Variants in ROBO2 observed in about 807,000 individuals in gnomAD.
The protein encoded by ROBO2 is roundabout homolog 2.
ROBO2 carries 53 observed loss-of-function variants against 160.8 expected under a neutral mutation model. That is an observed-to-expected ratio of 0.33 (90% CI 0.26 to 0.41). The LOEUF (loss-of-function observed/expected upper bound fraction) is 0.41. ROBO2 is among the 10% of genes least tolerant of loss of function. ROBO2 has a pLI of 1.00. For missense variants in ROBO2, 1,577 were observed against 1,722.4 expected (o/e 0.92, Z 1.49); for synonymous variants, 664 against 611.7 (o/e 1.09, Z -1.26).
At chr3:77,236,495 C>G (rs569825315) in intron 2 of ROBO2, among the ~76,000 whole-genome samples, 2 of 152,296 alleles carry the variant, frequency 1.3e-5, no homozygotes, top group South Asian at 4.1e-4. Flanking sequence ...TTCAGGGTAA[C>G]GTTGGAATGC....
intron 1 of ROBO2, among the ~76,000 whole-genome samples, chr3:75,912,512 G>C (rs933151489): frequency 8.5e-5 from 13 of 152,226 alleles, no homozygotes; most frequent in Middle Eastern, 3.4e-3. Flanking sequence ...ACTCACTGCT[G>C]GTGGTATTCT....
intron 2 of ROBO2, among the ~76,000 whole-genome samples, chr3:76,284,581 C>G (rs1708416695): frequency 1.3e-5 from 2 of 152,088 alleles, no homozygotes; most frequent in South Asian, 4.1e-4. Context: ...TCTCAGTGTG[C>G]AATAACATTC....
intron 2 of ROBO2, among the ~76,000 whole-genome samples, chr3:76,732,728 T>C (rs1347758121): frequency 2.0e-5 from 3 of 152,172 alleles, no homozygotes; most frequent in African/African-American, 7.2e-5. Context: ...AGGACTGACA[T>C]GAAATGATTG....
intron 2 of ROBO2, among the ~76,000 whole-genome samples, chr3:75,967,329 T>C (rs1251275745): frequency 6.6e-6 from 1 of 151,314 alleles, no homozygotes; most frequent in Non-Finnish European, 1.5e-5. Flanking sequence ...ACTTGCAGAG[T>C]TTTCCTTTGT....
intron 2 of ROBO2, among the ~76,000 whole-genome samples, chr3:76,922,711 G>T (rs2076744236): frequency 6.6e-6 from 1 of 152,182 alleles, no homozygotes; most frequent in African/African-American, 2.4e-5. Context: ...GGCAAAAGCT[G>T]TAAATCACTC....
intron 2 of ROBO2, among the ~76,000 whole-genome samples, chr3:77,475,392 T>C (rs1302578568): frequency 6.6e-6 from 1 of 152,204 alleles, no homozygotes; most frequent in Admixed American, 6.5e-5. Context: ...TATGATGTTT[T>C]TCTTCTTTTT....
intron 2 of ROBO2, among the ~76,000 whole-genome samples, chr3:76,899,824 A>G (rs2075091090): frequency 1.3e-5 from 2 of 152,086 alleles, no homozygotes; most frequent in Admixed American, 6.6e-5. Context: ...AGTCTTAGTC[A>G]TATATTATGA....
At chr3:76,648,994 T>A (rs2091122096) in intron 2 of ROBO2, among the ~76,000 whole-genome samples, 1 of 152,136 alleles carries the variant, frequency 6.6e-6, no homozygotes, top group Admixed American at 6.5e-5. Context: ...TATTTTGTCA[T>A]CATATGTGAG....
At chr3:76,220,657 A>G (rs988985705) in intron 2 of ROBO2, among the ~76,000 whole-genome samples, 1 of 152,190 alleles carries the variant, frequency 6.6e-6, no homozygotes, top group Admixed American at 6.6e-5. Flanking sequence ...GCACTAAGAC[A>G]TTCTTTGAGT....
At chr3:77,340,531 A>G (rs1395857564) in intron 2 of ROBO2, among the ~76,000 whole-genome samples, 2 of 152,152 alleles carry the variant, frequency 1.3e-5, no homozygotes, top group African/African-American at 4.8e-5. Flanking sequence ...CTGGCAAAAT[A>G]GGGTAAAAAT....
intron 2 of ROBO2, among the ~76,000 whole-genome samples, chr3:76,302,022 A>G (rs1267221099): frequency 6.6e-6 from 1 of 152,072 alleles, no homozygotes; most frequent in Non-Finnish European, 1.5e-5. Context: ...CTTGAAACTT[A>G]ATGGAGCAAA....
intron 2 of ROBO2, among the ~76,000 whole-genome samples, chr3:76,862,485 A>G (rs144383255): frequency 1.3e-5 from 2 of 152,280 alleles, no homozygotes; most frequent in Admixed American, 6.5e-5. Flanking sequence ...GTTTTTATGC[A>G]AGGTTTAATG....
chr3:76,897,172 T>A (rs1446062612), intron 2 of ROBO2, among the ~76,000 whole-genome samples: 1 of 152,308 alleles, frequency 6.6e-6, no homozygotes, highest in East Asian at 1.9e-4. Flanking sequence ...ACATTTATGA[T>A]GGATCTATCA....
chr3:77,517,381 G>A (rs1220109499), intron 5 of ROBO2, among the ~76,000 whole-genome samples: 1 of 151,496 alleles, frequency 6.6e-6, no homozygotes, highest in Non-Finnish European at 1.5e-5. Flanking sequence ...CCATGTGACT[G>A]GAAAATAGTG....
At chr3:77,460,585 G>C (rs1052366378) in intron 2 of ROBO2, among the ~76,000 whole-genome samples, 4 of 152,000 alleles carry the variant, frequency 2.6e-5, no homozygotes, top group Non-Finnish European at 5.9e-5. Flanking sequence ...ATGGCTAGTT[G>C]GAAGGAAATT....
intron 2 of ROBO2, among the ~76,000 whole-genome samples, chr3:76,514,093 T>G (rs919426526): frequency 2.0e-5 from 3 of 152,214 alleles, no homozygotes; most frequent in African/African-American, 7.2e-5. Context: ...TGTCACTCTT[T>G]TATTTTAAAC....
intron 2 of ROBO2, among the ~76,000 whole-genome samples, chr3:75,990,142 G>T (rs371887180): frequency 6.6e-6 from 1 of 151,984 alleles, no homozygotes. Flanking sequence ...TATCTCAATT[G>T]TATTTATTAC....
At chr3:77,429,731 C>T (rs943890526) in intron 2 of ROBO2, among the ~76,000 whole-genome samples, 2 of 151,538 alleles carry the variant, frequency 1.3e-5, no homozygotes, top group African/African-American at 4.8e-5. Flanking sequence ...CCTGTGATCA[C>T]AATCTGTGAT....
intron 2 of ROBO2, among the ~76,000 whole-genome samples, chr3:76,990,166 C>T (rs2149365988): frequency 6.6e-6 from 1 of 152,214 alleles, no homozygotes; most frequent in South Asian, 2.1e-4. Flanking sequence ...CTATTACAAA[C>T]TCAGTGGGAT....
Sources: gnomAD v4.1 joint callset for allele counts (sites outside exome capture counted in the v4.1 genomes callset) on GRCh38, gnomAD v4.1.1 for gene constraint, MANE v1.5 for transcripts, NCBI Gene and HGNC (gene_info 2026-07-23, HGNC 2026-07-21) for gene names.